Variants in ZNF112 observed in about 807,000 individuals in gnomAD.
The protein encoded by ZNF112 is zinc finger protein 112.
In ZNF112, 37 loss-of-function variants were observed where a neutral mutation model predicts 77.7. The ratio of observed to expected loss-of-function variants is 0.48; its 90% CI spans 0.37 to 0.63. ZNF112 has a LOEUF of 0.63. Among genes scored for constraint, ZNF112 ranks in the 20% least tolerant of loss-of-function variants. The pLI, the probability that ZNF112 is intolerant of heterozygous loss-of-function variation, is 0.00. For missense variants in ZNF112, 950 were observed against 1,077.4 expected (o/e 0.88, Z 1.66); for synonymous variants, 333 against 363.6 (o/e 0.92, Z 0.96).
chr19:44,348,301 A>G (rs1397954895), intron 1 of ZNF112, among the ~76,000 whole-genome samples: 2 of 152,048 alleles, frequency 1.3e-5, no homozygotes, highest in Admixed American at 1.3e-4. Context: ...TCTCCTCCTG[A>G]GACTCCAAAG....
chr19:44,358,981 T>C (rs1289053267), upstream of ZNF112, among the ~76,000 whole-genome samples: 1 of 152,180 alleles, frequency 6.6e-6, no homozygotes, highest in Non-Finnish European at 1.5e-5. Context: ...CTTTTTCTTG[T>C]AGCAACTGCC....
intron 2 of ZNF112, among the ~76,000 whole-genome samples, chr19:44,337,540 T>C (rs755894360): frequency 1.0e-4 from 15 of 146,150 alleles, no homozygotes; most frequent in Non-Finnish European, 1.9e-4. Flanking sequence ...TTAGGGAAAA[T>C]CCCCAGAAAT....
chr19:44,333,107 C>T (rs1970300074), intron 3 of ZNF112, among the ~76,000 whole-genome samples: 1 of 152,142 alleles, frequency 6.6e-6, no homozygotes, highest in Admixed American at 6.5e-5. Context: ...TCATAGCAAT[C>T]CTGCTTTAGC....
At position 44,329,386 on chromosome 19, in the gene ZNF112, A is replaced by C; in HGVS notation, c.771T>G (p.Tyr257Ter). 3 of 1,613,802 alleles carry C rather than the reference A, an allele frequency of 1.9e-6. No homozygotes were observed. The highest frequency in any genetic ancestry group is 2.5e-6 in the Non-Finnish European group (3 of 1,179,810). Residue 257 changes from tyrosine (Y) to a stop codon, truncating the protein, a stop_gained, in exon 4 of 4, where the codon TAT becomes TAG. Transcript: ENST00000354340. LOFTEE classifies it high-confidence loss of function. The part of the protein sequence containing the change: ...TEEKPYPCTG[Y>*]RKAFSNDSSS... Reference sequence around the variant, plus strand: ...TGGAGTCATTACTGAAGGCTTTTCTATACCCAGTACATGGATAGGGCTTCT... The same window carrying C: ...TGGAGTCATTACTGAAGGCTTTTCTCTACCCAGTACATGGATAGGGCTTCT...
intron 1 of ZNF112, among the ~76,000 whole-genome samples, chr19:44,356,365 G>A (rs1172885028): frequency 1.3e-5 from 2 of 152,158 alleles, no homozygotes; most frequent in Non-Finnish European, 2.9e-5. Flanking sequence ...CTGGTTGATG[G>A]TCAGGGGAAA....
chr19:44,357,303 A>G (rs1173180965), upstream of ZNF112, among the ~76,000 whole-genome samples: 1 of 152,014 alleles, frequency 6.6e-6, no homozygotes, highest in African/African-American at 2.4e-5. Flanking sequence ...CATAAAGGAG[A>G]GAACAGAGAA....
chr19:44,349,568 A>G (rs1178630846), intron 1 of ZNF112, among the ~76,000 whole-genome samples: 1 of 152,080 alleles, frequency 6.6e-6, no homozygotes, highest in Admixed American at 6.6e-5. Context: ...TTCACAATAA[A>G]TGGTCCGAAA....
chr19:44,353,435 A>G (rs1970728178), intron 1 of ZNF112, among the ~76,000 whole-genome samples: 1 of 152,096 alleles, frequency 6.6e-6, no homozygotes, highest in Non-Finnish European at 1.5e-5. Context: ...AAAAGACACT[A>G]TTAAGAGAAT....
chr19:44,339,304 T>G (rs1568667305), intron 2 of ZNF112, among the ~76,000 whole-genome samples: 1 of 152,204 alleles, frequency 6.6e-6, no homozygotes, highest in Non-Finnish European at 1.5e-5. Flanking sequence ...AGAGTGTCTT[T>G]CGTTTACCCA....
At chr19:44,347,809 C>T (rs1213061725) in intron 1 of ZNF112, among the ~76,000 whole-genome samples, 1 of 151,884 alleles carries the variant, frequency 6.6e-6, no homozygotes, top group African/African-American at 2.4e-5. Context: ...TTATATTTGC[C>T]AAAAAACTTA....
upstream of ZNF112, among the ~76,000 whole-genome samples, chr19:44,359,240 C>T (rs1195634905): frequency 6.7e-6 from 1 of 150,292 alleles, no homozygotes; most frequent in Non-Finnish European, 1.5e-5. Context: ...ACTTTGTTTC[C>T]TCAGACCTCA....
Position 44,327,699 on chromosome 19 carries a change from C to T in ZNF112, c.2458G>A (p.Val820Ile), listed in dbSNP as rs762526331. 6.2e-7 allele frequency: 1 copy of T among 1,613,716 alleles called. No homozygotes were observed. Among genetic ancestry groups the T allele is most frequent in the East Asian group, 2.2e-5 (1 of 44,834 alleles). The change falls in exon 4 of 4, where the codon GTC becomes ATC. Residue 820 changes from valine to isoleucine, a missense_variant. Val to Ile is a conservative substitution (Grantham distance 29). This residue lies in a region of ZNF112 where 373 missense variants were observed against 482.8 expected (regional missense o/e 0.77). Coordinates refer to ENST00000354340, the MANE Select transcript of ZNF112 (RefSeq NM_013380.4). ...TTGTATGGTTTCTCTCCTGTGTGGA[C>T]TCTGTGATGGGCTTGAAGACTTGAA... Reference protein sequence around the residue: ...GYSSLQAHHRVHTGEKPYKCE... With the variant: ...GYSSLQAHHRIHTGEKPYKCE...
chr19:44,356,695 C>A (rs1323941397), upstream of ZNF112: 3 of 152,350 alleles, frequency 2.0e-5, no homozygotes, highest in South Asian at 6.2e-4. Flanking sequence ...ACCGAGACCT[C>A]CTGGACTACG....
At chr19:44,348,057 C>T (rs1444831269) in intron 1 of ZNF112, among the ~76,000 whole-genome samples, 2 of 152,074 alleles carry the variant, frequency 1.3e-5, no homozygotes, top group South Asian at 2.1e-4. Context: ...GAGAAATCCA[C>T]GTATATCTGA....
intron 2 of ZNF112, among the ~76,000 whole-genome samples, chr19:44,337,376 T>A (rs1488753812): frequency 1.7e-5 from 1 of 59,774 alleles, no homozygotes; most frequent in African/African-American, 7.7e-5. Context: ...TATATATATT[T>A]TATATATAAT....
chr19:44,358,642 C>T (rs923695689), upstream of ZNF112, among the ~76,000 whole-genome samples: 1 of 152,084 alleles, frequency 6.6e-6, no homozygotes, highest in Non-Finnish European at 1.5e-5. Context: ...TTTTCAAGTG[C>T]ACATAAGATT....
intron 1 of ZNF112, chr19:44,341,112 A>G: frequency 2.2e-6 from 1 of 456,562 alleles, no homozygotes; most frequent in Non-Finnish European, 4.4e-6. Context: ...AACTTATACC[A>G]TACAGTCCTA....
In ZNF112 at chr19:44,328,081, A is replaced by T; in HGVS notation, c.2076T>A (p.Cys692Ter). ...TGEKPYQCDE[C>*]GKSFSQRSYL... is the part of the protein sequence containing the mutation. ...ATGATCTCTGACTGAAACTCTTACC[A>T]CACTCATCACATTGGTATGGCTTCT... The change falls in exon 4 of 4, where the codon TGT (cysteine) becomes TGA (stop). Residue 692 changes from cysteine (C) to a stop codon, truncating the protein, a stop_gained. Transcript: ENST00000354340. LOFTEE classifies it high-confidence loss of function. 1 of 1,613,918 alleles carries T rather than the reference A, an allele frequency of 6.2e-7. No homozygotes were observed. Among genetic ancestry groups the T allele is most frequent in the Non-Finnish European group, 8.5e-7 (1 of 1,179,964 alleles).
chr19:44,350,217 G>A (rs1489618648), intron 1 of ZNF112, among the ~76,000 whole-genome samples: 2 of 152,060 alleles, frequency 1.3e-5, no homozygotes, highest in Admixed American at 1.3e-4. Context: ...GTACTTTGCA[G>A]AGAATATTTT....
Sources: gnomAD v4.1 joint callset for allele counts (sites outside exome capture counted in the v4.1 genomes callset) on GRCh38, gnomAD v4.1.1 for gene constraint, gnomAD v4.1.1 regional missense constraint, MANE v1.5 for transcripts, NCBI Gene and HGNC (gene_info 2026-07-23, HGNC 2026-07-21) for gene names.